The following COA8 variants were observed in gnomAD, a reference collection of about 807,000 sequenced individuals.
The protein encoded by COA8 is cytochrome c oxidase assembly factor 8, also known as UPF0671 protein C14orf153.
A neutral mutation model predicts 22.0 loss-of-function variants in COA8; 20 were observed. That is an observed-to-expected ratio of 0.91 (90% CI 0.64 to 1.32). The LOEUF (loss-of-function observed/expected upper bound fraction) is 1.32, where lower values mean the gene tolerates loss of function less well. COA8 is among the 40% of genes most tolerant of loss of function. The probability of loss-of-function intolerance (pLI) is 0.00; values close to 1 mark genes in which losing one functional copy is unlikely to be tolerated. For synonymous variants in COA8, 105 were observed against 79.9 expected (o/e 1.31, Z -1.68); for missense variants, 266 against 230.0 (o/e 1.16, Z -1.01).
At position 103,563,092 on chromosome 14, in the gene COA8, G is replaced by A; in HGVS notation, c.91G>A (p.Gly31Ser). The A allele has an allele frequency of 1.3e-6, 2 of 1,539,624 alleles. No individual in the cohort carries two copies. The highest frequency in any genetic ancestry group is 1.4e-5 in the African/African-American group (1 of 73,314). The change falls in exon 1 of 5, where the codon GGC becomes AGC. Residue 31 changes from glycine (G) to serine (S), a missense_variant. Transcript: ENST00000409074. ...CRGCQLAPER[G>S]AERRDTAPSG... is the part of the protein sequence containing the mutation. ...CGGCTGTCAACTCGCTCCGGAGCGC[G>A]GCGCCGAGCGCAGGGATACGGCGCC...
chr14:103,579,955 T>A, intron 3 of COA8, among the ~76,000 whole-genome samples: 1 of 90,784 alleles, frequency 1.1e-5, no homozygotes, highest in Non-Finnish European at 2.1e-5. Context: ...AAAGCAAGAC[T>A]CTGTCTCAAA....
At chr14:103,586,092 T>A (rs909157807) in intron 3 of COA8, among the ~76,000 whole-genome samples, 2 of 149,054 alleles carry the variant, frequency 1.3e-5, no homozygotes, top group African/African-American at 5.0e-5. Flanking sequence ...GTAGAGACGG[T>A]GTTTCAGCAC....
chr14:103,570,483 A>G (rs537102674), intron 1 of COA8, among the ~76,000 whole-genome samples: 1 of 152,296 alleles, frequency 6.6e-6, no homozygotes, highest in South Asian at 2.1e-4. Context: ...CTGTAATCCC[A>G]GCACTTTGGG....
intron 3 of COA8, among the ~76,000 whole-genome samples, chr14:103,580,425 A>G (rs2076259125): frequency 1.3e-5 from 2 of 152,000 alleles, no homozygotes; most frequent in African/African-American, 4.8e-5. Flanking sequence ...CTCCTGCCTC[A>G]GCCTCCCAAA....
chr14:103,567,200 C>A (rs576070255), intron 1 of COA8, among the ~76,000 whole-genome samples: 1 of 152,156 alleles, frequency 6.6e-6, no homozygotes, highest in Middle Eastern at 3.4e-3. Flanking sequence ...TGGTGAAACA[C>A]CGTCTCTACT....
rs747999315 is a variant in COA8 at position 103,587,259 on chromosome 14, GA to G, written c.386-12del. 2.0e-5 allele frequency: 32 copies of G among 1,606,584 alleles called. No individual in the cohort carries two copies. Among genetic ancestry groups the G allele is most frequent in the Non-Finnish European group, 2.6e-5 (30 of 1,176,136 alleles). ...CTCCTTAAGTCTTAATGTTTAAGCT[GA>G]AATTACCTTTCAGGTCAGAAAGCAA... is the stretch of plus-strand genomic sequence containing the variant. On this transcript the variant is annotated splice_polypyrimidine_tract_variant and intron_variant, in intron 3 of 4. Transcript: ENST00000409074.
intron 3 of COA8, among the ~76,000 whole-genome samples, chr14:103,585,815 C>G (rs1406586516): frequency 6.6e-6 from 1 of 151,870 alleles, no homozygotes; most frequent in Non-Finnish European, 1.5e-5. Context: ...ACCTTGTGAT[C>G]CACTTGCCTC....
chr14:103,572,793 TTC>T, intron 2 of COA8, among the ~76,000 whole-genome samples: 1 of 151,732 alleles, frequency 6.6e-6, no homozygotes. Context: ...AAAAATTTTT[TTC>T]TTTTTTGAGA....
At chr14:103,582,302 T>C (rs1163877970) in intron 3 of COA8, among the ~76,000 whole-genome samples, 1 of 152,162 alleles carries the variant, frequency 6.6e-6, no homozygotes, top group Non-Finnish European at 1.5e-5. Flanking sequence ...CTGGGCTGCT[T>C]TGGGGACCCT....
chr14:103,590,382 G>GA lies in COA8; in HGVS notation c.*98dup. 2 of 1,211,644 alleles carry GA rather than the reference G, an allele frequency of 1.7e-6. No homozygotes were observed. Among genetic ancestry groups the GA allele is most frequent in the South Asian group, 2.8e-5 (2 of 71,078 alleles). 75.1% of individuals were successfully genotyped at this position (1,211,644 alleles called of 1,614,324 possible). ...TGAGAAAAACTGGAGCTGATCTCAA[G>GA]AAGCCCCACATCTTCCTAAGGGGCC... On this transcript the variant is annotated 3_prime_UTR_variant, in exon 5 of 5. Transcript: ENST00000409074.
intron 3 of COA8, among the ~76,000 whole-genome samples, chr14:103,575,545 A>G (rs527741784): frequency 1.3e-5 from 2 of 152,274 alleles, no homozygotes; most frequent in South Asian, 2.1e-4. Context: ...GGTTGCACCA[A>G]TGCGTGAGGA....
chr14:103,590,169 GT>G lies in COA8; in HGVS notation c.477-9del. 1 of 1,612,782 alleles carries G rather than the reference GT, an allele frequency of 6.2e-7. No individual in the cohort carries two copies. The highest frequency in any genetic ancestry group is 8.5e-7 in the Non-Finnish European group (1 of 1,178,954). Reference sequence around the variant, plus strand: ...CCACCGTGTCACCTGTGCATCCTCTGTTTCTCTACAGAGATTGGTACAAGCG... The same window carrying G: ...CCACCGTGTCACCTGTGCATCCTCTGTTCTCTACAGAGATTGGTACAAGCG... On this transcript the variant is annotated splice_polypyrimidine_tract_variant and intron_variant, in intron 4 of 4. Transcript: ENST00000409074.
At chr14:103,577,147 T>TGCA (rs2076235557) in intron 3 of COA8, among the ~76,000 whole-genome samples, 1 of 152,184 alleles carries the variant, frequency 6.6e-6, no homozygotes, top group Non-Finnish European at 1.5e-5. Flanking sequence ...CTCGGCTCAC[T>TGCA]GCAGTCTCCA....
At chr14:103,572,180 G>T (rs1465603230) in intron 2 of COA8, among the ~76,000 whole-genome samples, 1 of 152,012 alleles carries the variant, frequency 6.6e-6, no homozygotes, top group Non-Finnish European at 1.5e-5. Context: ...AACACAGTTG[G>T]CCACTTGAGG....
intron 1 of COA8, among the ~76,000 whole-genome samples, chr14:103,569,458 CCT>C (rs1174696063): frequency 6.6e-6 from 1 of 152,238 alleles, no homozygotes; most frequent in African/African-American, 2.4e-5. Flanking sequence ...ACACTTGACA[CCT>C]CTCTGAGCTT....
chr14:103,565,677 G>T (rs1016335006), intron 1 of COA8, among the ~76,000 whole-genome samples: 1 of 149,902 alleles, frequency 6.7e-6, no homozygotes, highest in Non-Finnish European at 1.5e-5. Context: ...GTGCAGTGGC[G>T]TGATCTCAGC....
intron 1 of COA8, among the ~76,000 whole-genome samples, chr14:103,564,151 C>CAA (rs59104875): frequency 7.0e-6 from 1 of 143,510 alleles, no homozygotes; most frequent in African/African-American, 2.6e-5. Context: ...GACTTCATCT[C>CAA]AAAAAAAAAA....
chr14:103,583,385 C>T (rs1308405728), intron 3 of COA8, among the ~76,000 whole-genome samples: 1 of 151,502 alleles, frequency 6.6e-6, no homozygotes, highest in Non-Finnish European at 1.5e-5. Flanking sequence ...ACTAAAAATA[C>T]AAAAAATTAG....
chr14:103,582,927 C>T (rs1442122068), intron 3 of COA8, among the ~76,000 whole-genome samples: 1 of 152,096 alleles, frequency 6.6e-6, no homozygotes, highest in Non-Finnish European at 1.5e-5. Flanking sequence ...CCTCACCTAA[C>T]CCCGGCAGCC....
Sources: allele counts gnomAD v4.1 joint callset (sites outside exome capture counted in the v4.1 genomes callset), GRCh38; gene constraint gnomAD v4.1.1; transcripts MANE v1.5; gene names NCBI Gene and HGNC (gene_info 2026-07-23, HGNC 2026-07-21).